GRIK1: variants seen among roughly 807,000 people sequenced by gnomAD.
GRIK1 encodes the protein glutamate receptor ionotropic, kainate 1.
In GRIK1, 69 loss-of-function variants were observed where a neutral mutation model predicts 105.7. That is an observed-to-expected ratio of 0.65 (90% CI 0.54 to 0.80). GRIK1 has a LOEUF of 0.80. GRIK1 is among the 30% of genes least tolerant of loss of function. The probability of loss-of-function intolerance (pLI) is 0.00; values close to 1 mark genes in which losing one functional copy is unlikely to be tolerated. For missense variants in GRIK1, 1,109 were observed against 1,167.3 expected, an observed-to-expected ratio of 0.95 and a Z score of 0.73; for synonymous variants, 438 against 431.3, an observed-to-expected ratio of 1.02 and a Z score of -0.19.
At chr21:29,591,341 G>T (rs2061331471) in intron 9 of GRIK1, 116 bp from the exon 10 acceptor site, 3 of 736,844 alleles carry the variant, frequency 4.1e-6, no homozygotes, top group South Asian at 1.5e-5. Flanking sequence ...GGACACTGGG[G>T]CATCACAGTG....
intron 1 of GRIK1, among the ~76,000 whole-genome samples, chr21:29,870,892 G>A (rs1419797397): frequency 6.6e-6 from 1 of 151,814 alleles, no homozygotes; most frequent in Non-Finnish European, 1.5e-5. Context: ...AAACTTTTGG[G>A]TACCTGGCTG....
intron 1 of GRIK1, among the ~76,000 whole-genome samples, chr21:29,848,777 A>AT (rs1217856804): frequency 0.038 from 2,675 of 70,744 alleles, 141 homozygotes; most frequent in African/African-American, 0.14. Flanking sequence ...ATATATATAT[A>AT]TATTTTTTTT....
rs902076286 is a variant in GRIK1 at position 29,888,838 on chromosome 21, GT to G, written c.118+50544del. Among the ~76,000 whole-genome samples, 58 of 151,762 alleles carry G rather than the reference GT, an allele frequency of 3.8e-4. No homozygotes were observed. The South Asian group carries it at 4.8e-3, about 13-fold the overall frequency. On this transcript the variant is annotated intron_variant, in intron 1 of 17. Coordinates refer to ENST00000327783, the MANE Select transcript of GRIK1 (RefSeq NM_001330994.2). ...TATGATGGCGTTTTAGATTAGAGGA[GT>G]TTTTTTTTCCCCCTCCCCACTATCT...
chr21:29,605,803 C>G (rs2061603136), intron 7 of GRIK1, among the ~76,000 whole-genome samples: 1 of 152,072 alleles, frequency 6.6e-6, no homozygotes, highest in African/African-American at 2.4e-5. Context: ...AGCCATTGTC[C>G]TTTGCCATAC....
intron 14 of GRIK1, among the ~76,000 whole-genome samples, chr21:29,572,558 C>T (rs2090776724): frequency 6.6e-6 from 1 of 152,118 alleles, no homozygotes; most frequent in Non-Finnish European, 1.5e-5. Context: ...TACGGCTGGG[C>T]ACTCTTTTAG....
chr21:29,809,334 T>G (rs573223705), intron 1 of GRIK1, among the ~76,000 whole-genome samples: 19 of 152,316 alleles, frequency 1.2e-4, no homozygotes, highest in Non-Finnish European at 2.5e-4. Context: ...ATGAAAATTA[T>G]GTTTACACTC....
chr21:29,913,307 A>G (rs527277794), intron 1 of GRIK1, among the ~76,000 whole-genome samples: 72 of 152,222 alleles, frequency 4.7e-4, no homozygotes, highest in African/African-American at 1.7e-3. Flanking sequence ...CTATTGTGAA[A>G]TAAAAATGGA....
chr21:29,896,044 C>T (rs2070140622), intron 1 of GRIK1, among the ~76,000 whole-genome samples: 1 of 152,300 alleles, frequency 6.6e-6, no homozygotes, highest in Non-Finnish European at 1.5e-5. Flanking sequence ...TGGCTATCTC[C>T]CTCGCTTTTT....
chr21:29,587,727 T>TAA (rs3216133), intron 11 of GRIK1, 138 bp from the exon 12 acceptor site: 253 of 590,908 alleles, frequency 4.3e-4, no homozygotes, highest in African/African-American at 2.7e-3. Context: ...TTGGTTCTAA[T>TAA]AAAAAAAAGC....
intron 14 of GRIK1, among the ~76,000 whole-genome samples, chr21:29,566,436 T>C (rs543836482): frequency 1.3e-4 from 20 of 152,364 alleles, no homozygotes; most frequent in Admixed American, 7.8e-4. Context: ...GCATTTTATC[T>C]GTTTAAATCT....
rs180952690 is a variant in GRIK1, at chr21:29,578,743, G to A, written c.1913-1562C>T. 3.3e-5 allele frequency among the ~76,000 whole-genome samples: 5 copies of A among 152,148 alleles called. No homozygotes were observed. The East Asian group carries it at 9.7e-4, about 29-fold the overall frequency. On this transcript the variant is annotated intron_variant, in intron 13 of 17. Transcript: ENST00000327783. ...TGTTGTTTTAATATTGTGGTTTAAT[G>A]GGATTTATATGCCTGTGGGTGTGTG... is the stretch of plus-strand genomic sequence containing the variant.
intron 2 of GRIK1, among the ~76,000 whole-genome samples, chr21:29,692,795 G>A (rs2063609669): frequency 6.6e-6 from 1 of 152,132 alleles, no homozygotes; most frequent in Admixed American, 6.5e-5. Flanking sequence ...GAATGGTCTC[G>A]ATCTCCTGAC....
At chr21:29,759,668 C>T (rs1055611846) in intron 1 of GRIK1, among the ~76,000 whole-genome samples, 1 of 152,146 alleles carries the variant, frequency 6.6e-6, no homozygotes, top group African/African-American at 2.4e-5. Flanking sequence ...CAAAGGAAGA[C>T]AATGTAGACA....
Position 29,766,698 on chromosome 21 carries a change from G to A in GRIK1, c.119-72635C>T, listed in dbSNP as rs534582486. ...AGACAGCTGTTCGTGAGCATAGTACGATATACTTCATCAGAGGGACTTCTC... is the reference window on the plus strand; with the variant it reads ...AGACAGCTGTTCGTGAGCATAGTACAATATACTTCATCAGAGGGACTTCTC... On this transcript the variant is annotated intron_variant, in intron 1 of 17. Coordinates refer to ENST00000327783, the MANE Select transcript of GRIK1 (RefSeq NM_001330994.2). Among the ~76,000 whole-genome samples, 6 of 152,230 alleles carry A rather than the reference G, an allele frequency of 3.9e-5. 1 individual carries two copies. The highest frequency in any genetic ancestry group is 1.2e-4 in the African/African-American group (5 of 41,544).
intron 1 of GRIK1, among the ~76,000 whole-genome samples, chr21:29,794,900 C>A (rs957745740): frequency 1.3e-5 from 2 of 151,998 alleles, no homozygotes; most frequent in Non-Finnish European, 2.9e-5. Flanking sequence ...AATTTATCAT[C>A]CCAAATGACA....
intron 1 of GRIK1, among the ~76,000 whole-genome samples, chr21:29,699,998 A>G (rs2063782671): frequency 1.3e-5 from 2 of 152,306 alleles, no homozygotes; most frequent in South Asian, 4.1e-4. Flanking sequence ...AAATAATTTT[A>G]AAGGAACTCA....
At chr21:29,585,942 A>C (rs2091121757) in intron 12 of GRIK1, among the ~76,000 whole-genome samples, 1 of 152,180 alleles carries the variant, frequency 6.6e-6, no homozygotes. Flanking sequence ...TGTCCTGTAC[A>C]CCATAAGATG....
intron 1 of GRIK1, among the ~76,000 whole-genome samples, chr21:29,712,508 A>T (rs113078420): frequency 2.6e-5 from 4 of 152,106 alleles, no homozygotes; most frequent in Non-Finnish European, 5.9e-5. Flanking sequence ...CCACGAGTGT[A>T]TGAAAGTACT....
intron 1 of GRIK1, among the ~76,000 whole-genome samples, chr21:29,767,146 G>A (rs1293217951): frequency 6.6e-6 from 1 of 152,142 alleles, no homozygotes; most frequent in Non-Finnish European, 1.5e-5. Flanking sequence ...CATGGAAAAG[G>A]GAGAAAGAAA....
Sources: allele counts gnomAD v4.1 joint callset (sites outside exome capture counted in the v4.1 genomes callset), GRCh38; gene constraint gnomAD v4.1.1; transcripts MANE v1.5; gene names NCBI Gene and HGNC (gene_info 2026-07-23, HGNC 2026-07-21).